Variants in PDE4D observed in about 807,000 individuals in gnomAD.
PDE4D encodes 3',5'-cyclic-AMP phosphodiesterase 4D.
Under a neutral mutation model 87.4 loss-of-function variants are expected in PDE4D, and 24 were observed. That is an observed-to-expected ratio of 0.27 (90% CI 0.20 to 0.39). The LOEUF (loss-of-function observed/expected upper bound fraction) is 0.39, where lower values mean the gene tolerates loss of function less well. Ranked by LOEUF, PDE4D falls within the 10% of genes least tolerant of loss-of-function variation. The pLI, the probability that PDE4D is intolerant of heterozygous loss-of-function variation, is 1.00. For missense variants in PDE4D, 714 were observed against 1,041.0 expected, an observed-to-expected ratio of 0.69 and a Z score of 4.32; for synonymous variants, 384 against 383.2, an observed-to-expected ratio of 1.00 and a Z score of -0.02.
chr5:59,197,411 G>T (rs1745702801), intron 2 of PDE4D, among the ~76,000 whole-genome samples: 1 of 152,082 alleles, frequency 6.6e-6, no homozygotes, highest in South Asian at 2.1e-4. Flanking sequence ...TCTCATTTTA[G>T]TAACAGTAAA....
At chr5:59,418,720 C>G (rs1020307441) in intron 1 of PDE4D, among the ~76,000 whole-genome samples, 2 of 152,168 alleles carry the variant, frequency 1.3e-5, no homozygotes, top group African/African-American at 4.8e-5. Context: ...ACGATCTCAG[C>G]TCACTGCAGC....
chr5:60,085,458 A>G (rs1276290324), intron 2 of PDE4D, among the ~76,000 whole-genome samples: 2 of 152,154 alleles, frequency 1.3e-5, no homozygotes, highest in Non-Finnish European at 2.9e-5. Context: ...ATTAGCAGTA[A>G]TGTATCTAAA....
chr5:59,744,192 T>C (rs1435996756), intron 1 of PDE4D, among the ~76,000 whole-genome samples: 1 of 152,104 alleles, frequency 6.6e-6, no homozygotes, highest in East Asian at 1.9e-4. Context: ...TTCTGATGCA[T>C]TAAGTGTAGA....
At chr5:59,623,395 A>T (rs1263320281) in intron 1 of PDE4D, among the ~76,000 whole-genome samples, 1 of 152,114 alleles carries the variant, frequency 6.6e-6, no homozygotes, top group African/African-American at 2.4e-5. Flanking sequence ...TAACAACCTT[A>T]ATCACAGTGA....
chr5:59,640,383 A>C (rs1054259892), intron 1 of PDE4D, among the ~76,000 whole-genome samples: 3 of 152,192 alleles, frequency 2.0e-5, no homozygotes, highest in Non-Finnish European at 2.9e-5. Context: ...ATCAATCAAT[A>C]AATAACTTTT....
chr5:59,067,678 C>T (rs533729439), intron 5 of PDE4D, among the ~76,000 whole-genome samples: 107 of 152,158 alleles, frequency 7.0e-4, no homozygotes, highest in African/African-American at 2.3e-3. Flanking sequence ...CAATTTCCTG[C>T]CTTATTTATA....
chr5:59,368,388 A>T (rs1311098452), intron 1 of PDE4D, among the ~76,000 whole-genome samples: 1 of 152,206 alleles, frequency 6.6e-6, no homozygotes, highest in African/African-American at 2.4e-5. Flanking sequence ...ATATGGAGAC[A>T]TTTATTTATA....
intron 1 of PDE4D, among the ~76,000 whole-genome samples, chr5:59,652,744 T>C (rs1346863013): frequency 1.3e-5 from 2 of 152,080 alleles, no homozygotes; most frequent in African/African-American, 4.8e-5. Flanking sequence ...ATCTCAATAC[T>C]TTCACTAATT....
intron 2 of PDE4D, among the ~76,000 whole-genome samples, chr5:60,127,035 C>A (rs1356705336): frequency 6.6e-6 from 1 of 152,074 alleles, no homozygotes; most frequent in Admixed American, 6.6e-5. Context: ...GTCTTCTAAA[C>A]TGAAGTGAAT....
rs76260478 is a variant in PDE4D, at chr5:59,647,656, G to A, written c.455+245512C>T. Among the ~76,000 whole-genome samples the A allele has an allele frequency of 8.7e-4, 133 of 152,158 alleles. No individual in the cohort carries two copies. In the East Asian group the frequency reaches 0.016, roughly 18 times the overall value. On this transcript the variant is annotated intron_variant, in intron 1 of 14. Coordinates refer to ENST00000340635, the MANE Select transcript of PDE4D (RefSeq NM_001104631.2). Reference sequence around the variant, plus strand: ...AGGATGGAAGCTGAAGGTTTACAGAGAACAAAGTTTTTGATACTTCCAACT... The same window carrying A: ...AGGATGGAAGCTGAAGGTTTACAGAAAACAAAGTTTTTGATACTTCCAACT...
chr5:60,446,399 A>G (rs1488425687), intron 1 of PDE4D, among the ~76,000 whole-genome samples: 2 of 152,168 alleles, frequency 1.3e-5, no homozygotes, highest in Admixed American at 6.5e-5. Flanking sequence ...CCATTAAAAA[A>G]CTATAAAAAA....
chr5:59,308,871 C>T (rs1771980332), intron 1 of PDE4D, among the ~76,000 whole-genome samples: 1 of 151,762 alleles, frequency 6.6e-6, no homozygotes, highest in South Asian at 2.1e-4. Context: ...CAGGTGGGGG[C>T]AAGGCTAGGT....
chr5:59,872,242 T>C (rs1369817637), intron 1 of PDE4D, among the ~76,000 whole-genome samples: 2 of 149,456 alleles, frequency 1.3e-5, no homozygotes, highest in East Asian at 3.9e-4. Context: ...AAACCACTGA[T>C]GGATTCACAA....
At chr5:59,563,085 C>A (rs1820307018) in intron 1 of PDE4D, among the ~76,000 whole-genome samples, 1 of 152,160 alleles carries the variant, frequency 6.6e-6, no homozygotes, top group African/African-American at 2.4e-5. Context: ...AACAGCATTG[C>A]CACAGGGCTC....
chr5:59,980,960 A>G (rs181333885), intron 3 of PDE4D, among the ~76,000 whole-genome samples: 20 of 152,268 alleles, frequency 1.3e-4, no homozygotes, highest in African/African-American at 4.6e-4. Flanking sequence ...CTTGAAAATC[A>G]CAAATTTGGG....
intron 5 of PDE4D, among the ~76,000 whole-genome samples, chr5:59,113,943 T>C (rs1411338841): frequency 6.6e-6 from 1 of 152,234 alleles, no homozygotes; most frequent in African/African-American, 2.4e-5. Flanking sequence ...CTGTTACTGC[T>C]ACTACCATAC....
intron 3 of PDE4D, among the ~76,000 whole-genome samples, chr5:59,189,255 T>TTG (rs1561663715): frequency 2.3e-5 from 3 of 130,942 alleles, no homozygotes; most frequent in African/African-American, 8.2e-5. Context: ...TTTTTTTTGT[T>TTG]TTTTTTTTTT....
intron 1 of PDE4D, among the ~76,000 whole-genome samples, chr5:59,500,693 A>G (rs1433111673): frequency 6.6e-6 from 1 of 152,102 alleles, no homozygotes; most frequent in Non-Finnish European, 1.5e-5. Context: ...TACAAGCCCA[A>G]ACCTCAGCTT....
intron 5 of PDE4D, among the ~76,000 whole-genome samples, chr5:59,139,311 G>A (rs953406442): frequency 3.3e-5 from 5 of 152,214 alleles, no homozygotes; most frequent in African/African-American, 1.2e-4. Flanking sequence ...TTATGCAGAT[G>A]AGGAAACAGA....
Sources: allele counts gnomAD v4.1 joint callset (sites outside exome capture counted in the v4.1 genomes callset), GRCh38; gene constraint gnomAD v4.1.1; transcripts MANE v1.5; gene names NCBI Gene and HGNC (gene_info 2026-07-23, HGNC 2026-07-21).